STAG3: variants seen among roughly 807,000 people sequenced by gnomAD.
STAG3 encodes the protein STAG3 cohesin complex component.
Under a neutral mutation model 160.7 loss-of-function variants are expected in STAG3, and 101 were observed. The ratio of observed to expected loss-of-function variants is 0.63; its 90% confidence interval spans 0.54 to 0.74. STAG3 has a LOEUF of 0.74. Ranked by LOEUF, STAG3 falls within the 30% of genes least tolerant of loss-of-function variation. The pLI is 0.00. For missense variants in STAG3, 1,188 were observed against 1,517.4 expected, an observed-to-expected ratio of 0.78 and a Z score of 3.61; for synonymous variants, 519 against 585.0, an observed-to-expected ratio of 0.89 and a Z score of 1.63.
intron 16 of STAG3, 158 bp from the exon 17 acceptor site, chr7:100,200,078 A>G: frequency 3.4e-6 from 2 of 582,742 alleles, no homozygotes; most frequent in Non-Finnish European, 6.0e-6. Flanking sequence ...AAAAAAAAAA[A>G]AAAAGGAGTT....
intron 9 of STAG3, among the ~76,000 whole-genome samples, chr7:100,196,756 A>T (rs1441099272): frequency 6.6e-6 from 1 of 152,010 alleles, no homozygotes; most frequent in Non-Finnish European, 1.5e-5. Context: ...GTGCCGCTGC[A>T]CTCCAGCCTG....
chr7:100,184,678 G>A lies in STAG3; in HGVS notation c.337-1522G>A, dbSNP rs147703746. 4.5e-3 allele frequency among the ~76,000 whole-genome samples: 686 copies of A among 151,970 alleles called. 5 individuals are homozygous for A. Among genetic ancestry groups the A allele is most frequent in the African/African-American group, 0.016 (655 of 41,430 alleles). On this transcript the variant is annotated intron_variant, in intron 4 of 33. Transcript: ENST00000615138. ...AGATGGGGTTTCACCGTGTTGGCCG[G>A]GATGGTCTCGATCTTTTGACCTCGT...
chr7:100,180,759 G>C (rs141506148), intron 2 of STAG3, 87 bp downstream of exon 2: 3 of 835,498 alleles, frequency 3.6e-6, no homozygotes, highest in Non-Finnish European at 6.2e-6. Context: ...AATATGCGTG[G>C]GACTGTGTGA....
At chr7:100,183,970 G>C (rs1799810927) in intron 4 of STAG3, among the ~76,000 whole-genome samples, 1 of 152,066 alleles carries the variant, frequency 6.6e-6, no homozygotes, top group Non-Finnish European at 1.5e-5. Context: ...TGTGGTGTTT[G>C]AAATTTATGT....
Position 100,182,717 on chromosome 7 carries a change from T to C in STAG3, c.220-6T>C. 1 of 1,613,702 alleles carries C rather than the reference T, an allele frequency of 6.2e-7. No individual in the cohort carries two copies. Among genetic ancestry groups the C allele is most frequent in the Non-Finnish European group, 8.5e-7 (1 of 1,179,714 alleles). Reference sequence around the variant, plus strand: ...TTCATATTTCTGATCTTTTTATACATATTAGGTGGCAAAACATCCAAAGAA... The same window carrying C: ...TTCATATTTCTGATCTTTTTATACACATTAGGTGGCAAAACATCCAAAGAA... On this transcript the variant is annotated splice_polypyrimidine_tract_variant and splice_region_variant and intron_variant, in intron 3 of 33. Coordinates refer to ENST00000615138, the MANE Select transcript of STAG3 (RefSeq NM_001282717.2).
At chr7:100,197,590 T>G in intron 10 of STAG3, 188 bp from the exon 11 acceptor site, 1 of 657,194 alleles carries the variant, frequency 1.5e-6, no homozygotes, top group South Asian at 1.8e-5. Flanking sequence ...TCATGAGTAC[T>G]GCTGTGATCC....
At chr7:100,200,721 T>A (rs769142032) in intron 18 of STAG3, 48 bp from the exon 19 acceptor site, 37 of 1,600,372 alleles carry the variant, frequency 2.3e-5, no homozygotes, top group Non-Finnish European at 3.2e-5. Flanking sequence ...CAGAAGAGTG[T>A]CCTCCTCCCA....
chr7:100,179,897 G>A (rs1338912795), intron 1 of STAG3, among the ~76,000 whole-genome samples: 1 of 152,060 alleles, frequency 6.6e-6, no homozygotes, highest in Non-Finnish European at 1.5e-5. Flanking sequence ...CACCACACCC[G>A]GATAATTTTG....
intron 21 of STAG3, 74 bp downstream of exon 21, chr7:100,201,425 T>G: frequency 9.8e-6 from 13 of 1,330,414 alleles, no homozygotes; most frequent in Non-Finnish European, 1.4e-5. Flanking sequence ...AGGTGGCCAC[T>G]AGGTGTGTCA....
At chr7:100,196,915 G>C (rs1800727695) in intron 9 of STAG3, among the ~76,000 whole-genome samples, 1 of 152,148 alleles carries the variant, frequency 6.6e-6, no homozygotes, top group Admixed American at 6.5e-5. Context: ...AAGATGACTT[G>C]AACCCAGGAG....
intron 32 of STAG3, 130 bp downstream of exon 32, chr7:100,212,006 GAGGAC>G: frequency 1.3e-6 from 1 of 777,250 alleles, no homozygotes; most frequent in Non-Finnish European, 2.0e-6. Context: ...TAGAGTAAAG[GAGGAC>G]AGGTTATATG....
intron 32 of STAG3, chr7:100,213,487 C>A: frequency 1.0e-5 from 10 of 984,628 alleles, no homozygotes; most frequent in Non-Finnish European, 1.2e-5. Flanking sequence ...TTCCTAACAT[C>A]TCAGAAAAAA....
chr7:100,208,051 G>A (rs985566482), intron 29 of STAG3, among the ~76,000 whole-genome samples: 12 of 152,168 alleles, frequency 7.9e-5, no homozygotes, highest in African/African-American at 2.9e-4. Flanking sequence ...GGGAGGCGGA[G>A]CTTGCAGTGA....
At chr7:100,204,606 C>T (rs1801455307) in intron 26 of STAG3, 21 bp from the exon 27 acceptor site, 1 of 1,608,438 alleles carries the variant, frequency 6.2e-7, no homozygotes, top group Middle Eastern at 1.7e-4. Context: ...TTCCCACATG[C>T]ACCATGTCTC....
intron 32 of STAG3, chr7:100,212,536 A>G (rs56162722): frequency 0.032 from 4,818 of 152,222 alleles, 117 homozygotes; most frequent in South Asian, 0.091. Context: ...GCTCACTGCA[A>G]CCTCTGCCTC....
intron 11 of STAG3, 41 bp downstream of exon 11, chr7:100,197,917 G>A: frequency 1.3e-6 from 2 of 1,583,282 alleles, no homozygotes; most frequent in Non-Finnish European, 8.7e-7. Flanking sequence ...CTTTGTCGTG[G>A]TTCCTATTTC....
chr7:100,191,857 C>G (rs1250083182), intron 8 of STAG3, among the ~76,000 whole-genome samples: 1 of 152,292 alleles, frequency 6.6e-6, no homozygotes, highest in Middle Eastern at 3.4e-3. Context: ...AAACAAGAGT[C>G]AATTCTCTCA....
At chr7:100,216,190 G>GT (rs1802734765), downstream of STAG3, among the ~76,000 whole-genome samples, 2 of 152,188 alleles carry the variant, frequency 1.3e-5, no homozygotes, top group African/African-American at 4.8e-5. Context: ...CATGAGCATA[G>GT]TAAGATGTAA....
At chr7:100,181,294 G>C (rs1799631221) in intron 2 of STAG3, 1 of 152,118 alleles carries the variant, frequency 6.6e-6, no homozygotes, top group African/African-American at 2.4e-5. Flanking sequence ...ATACAGATCT[G>C]CTTTATCCCC....
Sources: gnomAD v4.1 joint callset for allele counts (sites outside exome capture counted in the v4.1 genomes callset) on GRCh38, gnomAD v4.1.1 for gene constraint, MANE v1.5 for transcripts, NCBI Gene and HGNC (gene_info 2026-07-23, HGNC 2026-07-21) for gene names.